RBPMS: variants seen among roughly 807,000 people sequenced by gnomAD.
The protein encoded by RBPMS is RNA-binding protein with multiple splicing.
RBPMS carries 7 observed loss-of-function variants against 26.8 expected under a neutral mutation model. The observed-to-expected ratio is 0.26, with a 90% CI of 0.15 to 0.49. The LOEUF is 0.49. RBPMS is among the 20% of genes least tolerant of loss of function. The pLI is 0.98. For synonymous variants in RBPMS, 96 were observed against 93.3 expected (o/e 1.03, Z -0.17); for missense variants, 186 against 250.0 (o/e 0.74, Z 1.73).
At chr8:30,569,580 G>A (rs1448972443) in intron 8 of RBPMS, among the ~76,000 whole-genome samples, 1 of 152,196 alleles carries the variant, frequency 6.6e-6, no homozygotes, top group Admixed American at 6.5e-5. Flanking sequence ...TAGGGATTTG[G>A]AAGCCACTGG....
At chr8:30,544,227 C>T (rs995640234) in intron 5 of RBPMS, among the ~76,000 whole-genome samples, 5 of 150,312 alleles carry the variant, frequency 3.3e-5, no homozygotes, top group Non-Finnish European at 7.3e-5. Context: ...GTCGGAAAGA[C>T]ATCAGAGTGT....
intron 7 of RBPMS, among the ~76,000 whole-genome samples, chr8:30,560,359 A>G (rs1358922986): frequency 2.6e-5 from 4 of 152,168 alleles, no homozygotes; most frequent in Non-Finnish European, 4.4e-5. Flanking sequence ...CTCAGCAGAC[A>G]GTAGAGAGAT....
intron 5 of RBPMS, among the ~76,000 whole-genome samples, chr8:30,522,916 A>G (rs1326535221): frequency 6.6e-6 from 1 of 152,132 alleles, no homozygotes; most frequent in Non-Finnish European, 1.5e-5. Flanking sequence ...TTCCTTATTG[A>G]TAGGTCTATA....
intron 4 of RBPMS, among the ~76,000 whole-genome samples, chr8:30,486,358 A>C (rs955683381): frequency 1.8e-5 from 2 of 113,842 alleles, no homozygotes; most frequent in African/African-American, 6.9e-5. Context: ...AAATAAATAA[A>C]TAACATAAAA....
chr8:30,495,064 C>G (rs1819785379), intron 4 of RBPMS, among the ~76,000 whole-genome samples: 1 of 152,074 alleles, frequency 6.6e-6, no homozygotes, highest in African/African-American at 2.4e-5. Context: ...TGAGATTAGG[C>G]TTCTCTATCA....
rs572670365 is a variant in RBPMS at position 30,446,127 on chromosome 8, T to C, written c.67-28652T>C. 4.6e-5 allele frequency among the ~76,000 whole-genome samples: 7 copies of C among 152,078 alleles called. No homozygotes were observed. In the South Asian group the frequency reaches 1.2e-3, roughly 27 times the overall value. ...GTTTCTTTGTATACACTTATCTCTT[T>C]TGCAACTTCATGTTATCCTGATGTC... On this transcript the variant is annotated intron_variant, in intron 1 of 8. Coordinates refer to ENST00000397323, the MANE Select transcript of RBPMS (RefSeq NM_001008710.3).
At chr8:30,448,295 G>A (rs755304692) in intron 1 of RBPMS, among the ~76,000 whole-genome samples, 4 of 152,166 alleles carry the variant, frequency 2.6e-5, no homozygotes, top group Non-Finnish European at 4.4e-5. Context: ...CATGTGTGAG[G>A]TCTTCCTGTG....
intron 6 of RBPMS, chr8:30,555,859 C>G: frequency 1.0e-6 from 1 of 984,572 alleles, no homozygotes. Flanking sequence ...TAAGAGAGAA[C>G]CCTCTCCTCA....
At chr8:30,526,091 T>C (rs1226881159) in intron 5 of RBPMS, among the ~76,000 whole-genome samples, 1 of 152,242 alleles carries the variant, frequency 6.6e-6, no homozygotes, top group Non-Finnish European at 1.5e-5. Context: ...TCCTACTTTG[T>C]AGAGTCCAAC....
intron 1 of RBPMS, among the ~76,000 whole-genome samples, chr8:30,390,679 AT>A (rs1807687123): frequency 6.6e-6 from 1 of 152,066 alleles, no homozygotes; most frequent in Admixed American, 6.6e-5. Flanking sequence ...CATAGAGATG[AT>A]TTTTCATTAG....
intron 1 of RBPMS, among the ~76,000 whole-genome samples, chr8:30,422,739 T>C (rs1203808801): frequency 1.3e-5 from 2 of 152,202 alleles, no homozygotes; most frequent in East Asian, 3.8e-4. Context: ...TCTGGGCTCA[T>C]TGTTTTCATC....
At chr8:30,550,323 GCAA>G (rs1826252250) in intron 6 of RBPMS, among the ~76,000 whole-genome samples, 1 of 152,180 alleles carries the variant, frequency 6.6e-6, no homozygotes, top group Non-Finnish European at 1.5e-5. Context: ...CCTCAATTGA[GCAA>G]GTTTCTTAAC....
chr8:30,555,826 A>C (rs1367968946), intron 6 of RBPMS: 1 of 967,344 alleles, frequency 1.0e-6, no homozygotes, highest in African/African-American at 1.8e-5. Flanking sequence ...AAAGCCCAGC[A>C]GAACAAGCAG....
At chr8:30,454,302 A>G (rs2097769254) in intron 1 of RBPMS, among the ~76,000 whole-genome samples, 1 of 152,238 alleles carries the variant, frequency 6.6e-6, no homozygotes, top group Admixed American at 6.5e-5. Flanking sequence ...TATTCATACT[A>G]TTGTCTGTTC....
chr8:30,498,701 A>G (rs1820237861), intron 4 of RBPMS, among the ~76,000 whole-genome samples: 1 of 152,214 alleles, frequency 6.6e-6, no homozygotes, highest in Non-Finnish European at 1.5e-5. Flanking sequence ...GCAATTGTGC[A>G]TTTTTGTATT....
chr8:30,507,120 G>A (rs1186514661), intron 5 of RBPMS, among the ~76,000 whole-genome samples: 4 of 152,160 alleles, frequency 2.6e-5, no homozygotes, highest in African/African-American at 7.2e-5. Flanking sequence ...AGAAAACCAG[G>A]TGTTGCAACT....
intron 6 of RBPMS, 41 bp from the exon 7 acceptor site, chr8:30,558,846 T>G (rs778128084): frequency 6.4e-7 from 1 of 1,553,356 alleles, no homozygotes; most frequent in South Asian, 1.1e-5. Flanking sequence ...GGGGATATGC[T>G]GGGGAGCCCT....
At chr8:30,511,484 AAAATATATATATATATATATATAT>A (rs1457538608) in intron 5 of RBPMS, among the ~76,000 whole-genome samples, 4 of 6,152 alleles carry the variant, frequency 6.5e-4, no homozygotes, top group Admixed American at 3.1e-3. Flanking sequence ...AAAAAAAAAA[AAAATATATATATATATATATATAT>A]ATATATATAT....
intron 1 of RBPMS, among the ~76,000 whole-genome samples, chr8:30,422,180 C>T (rs1461073885): frequency 6.6e-6 from 1 of 150,952 alleles, no homozygotes; most frequent in Non-Finnish European, 1.5e-5. Flanking sequence ...GGCTGGAGTG[C>T]AGTGGTGCGA....
Sources: allele counts gnomAD v4.1 joint callset (sites outside exome capture counted in the v4.1 genomes callset), GRCh38; gene constraint gnomAD v4.1.1; transcripts MANE v1.5; gene names NCBI Gene and HGNC (gene_info 2026-07-23, HGNC 2026-07-21).